CRY1: variants seen among roughly 807,000 people sequenced by gnomAD.
CRY1 encodes the protein cryptochrome circadian regulator 1.
CRY1 carries 45 observed loss-of-function variants against 76.0 expected under a neutral mutation model. The ratio of observed to expected loss-of-function variants is 0.59; its 90% CI spans 0.47 to 0.76. CRY1 has a LOEUF of 0.76. CRY1 is among the 30% of genes least tolerant of loss of function. The pLI, the probability that CRY1 is intolerant of heterozygous loss-of-function variation, is 0.00. For missense variants in CRY1, 587 were observed against 716.4 expected (o/e 0.82, Z 2.06); for synonymous variants, 248 against 244.0 (o/e 1.02, Z -0.15).
rs1422230036 is a variant in CRY1 at position 107,092,080 on chromosome 12, T to C, written c.158+724A>G. ...AGCATTTAAATCAGTGCCTGGCACA[T>C]GCTAAGTGATCAAGAGTCTATCTGT... On this transcript the variant is annotated intron_variant, in intron 1 of 12. Coordinates refer to ENST00000008527, the MANE Select transcript of CRY1 (RefSeq NM_004075.5). Among the ~76,000 whole-genome samples the C allele has an allele frequency of 2.6e-5, 4 of 152,214 alleles. No homozygotes were observed. In the East Asian group the frequency reaches 7.7e-4, roughly 29 times the overall value.
intron 10 of CRY1, among the ~76,000 whole-genome samples, chr12:106,993,645 C>T (rs1223225587): frequency 6.6e-6 from 1 of 151,980 alleles, no homozygotes; most frequent in Non-Finnish European, 1.5e-5. Context: ...CTGGACCTAT[C>T]CACGAGCAGG....
At chr12:107,036,126 AG>A (rs999537727) in intron 1 of CRY1, among the ~76,000 whole-genome samples, 2 of 152,204 alleles carry the variant, frequency 1.3e-5, no homozygotes, top group African/African-American at 2.4e-5. Flanking sequence ...GGAAACATAC[AG>A]GGCTTTACAT....
intron 1 of CRY1, among the ~76,000 whole-genome samples, chr12:107,034,067 C>T (rs1952706523): frequency 6.6e-6 from 1 of 151,250 alleles, no homozygotes; most frequent in Non-Finnish European, 1.5e-5. Flanking sequence ...GACAGGAGGT[C>T]GGCAGGACTG....
At chr12:106,998,781 G>A (rs1015212205) in intron 7 of CRY1, among the ~76,000 whole-genome samples, 5 of 151,856 alleles carry the variant, frequency 3.3e-5, no homozygotes, top group Non-Finnish European at 1.5e-5. Flanking sequence ...GGTGGCTCAT[G>A]CGTGTAATCC....
chr12:107,009,410 G>A (rs1252358745), intron 2 of CRY1, among the ~76,000 whole-genome samples: 12 of 151,562 alleles, frequency 7.9e-5, no homozygotes, highest in African/African-American at 2.2e-4. Flanking sequence ...GTGGTGGTGG[G>A]TGCCTGTAAT....
In CRY1 at chr12:106,997,510, C is replaced by T. The variant is rs767643450; in HGVS notation, c.1470G>A (p.Gln490=). The change falls in exon 9 of 13, where the codon CAG becomes CAA. Residue 490 remains glutamine, a synonymous_variant. Transcript: ENST00000008527. ...TACCTAGTCCTCTATATCGTGAAAG[C>T]TGCTGATAGATCTGTTTCATCCTTT... ...NIERMKQIYQ[Q]LSRYRGLGLL... is the part of the protein sequence containing the mutation. 2 of 1,614,004 alleles carry T rather than the reference C, an allele frequency of 1.2e-6. No individual in the cohort carries two copies. Among genetic ancestry groups the T allele is most frequent in the African/African-American group, 1.3e-5 (1 of 75,060 alleles).
chr12:106,998,061 A>C lies in CRY1; in HGVS notation c.1143T>G (p.Phe381Leu). The C allele has an allele frequency of 6.2e-7, 1 of 1,613,968 alleles. No individual in the cohort carries two copies. Among genetic ancestry groups the C allele is most frequent in the Non-Finnish European group, 8.5e-7 (1 of 1,179,948 alleles). The change falls in exon 8 of 13, where the codon TTT becomes TTG. Residue 381 changes from phenylalanine to leucine, a missense_variant. Phe to Leu is a conservative substitution (Grantham distance 22). Coordinates refer to ENST00000008527, the MANE Select transcript of CRY1 (RefSeq NM_004075.5). ...WISWEEGMKV[F>L]EELLLDADWS... Reference sequence around the variant, plus strand: ...AATCTGCATCAAGCAATAATTCTTCAAATACCTTCAGAAGTAACAGTAACC... The same window carrying C: ...AATCTGCATCAAGCAATAATTCTTCCAATACCTTCAGAAGTAACAGTAACC...
chr12:107,010,242 T>A (rs1004604878), intron 2 of CRY1, among the ~76,000 whole-genome samples: 4 of 152,324 alleles, frequency 2.6e-5, no homozygotes, highest in Non-Finnish European at 5.9e-5. Flanking sequence ...TTATTCCTGA[T>A]ATAGGTAACT....
At chr12:107,054,753 T>C (rs1952964230) in intron 1 of CRY1, among the ~76,000 whole-genome samples, 1 of 151,814 alleles carries the variant, frequency 6.6e-6, no homozygotes, top group African/African-American at 2.4e-5. Flanking sequence ...AGAAATATAC[T>C]ATAAAGTCAC....
At chr12:107,084,689 T>C (rs1031533649) in intron 1 of CRY1, among the ~76,000 whole-genome samples, 2 of 152,168 alleles carry the variant, frequency 1.3e-5, no homozygotes, top group Non-Finnish European at 2.9e-5. Flanking sequence ...AATTAAAGAC[T>C]TACATGTAAA....
At chr12:107,005,571 A>G (rs1952364061) in intron 2 of CRY1, among the ~76,000 whole-genome samples, 1 of 152,196 alleles carries the variant, frequency 6.6e-6, no homozygotes, top group Non-Finnish European at 1.5e-5. Flanking sequence ...GAGCCTCAAA[A>G]CAACACTCAG....
In CRY1 at chr12:106,999,691, C is replaced by T. The variant is rs1054826535; in HGVS notation, c.997G>A (p.Gly333Ser). The T allele has an allele frequency of 1.2e-6, 2 of 1,614,252 alleles. No homozygotes were observed. Among genetic ancestry groups the T allele is most frequent in the African/African-American group, 1.3e-5 (1 of 75,070 alleles). The change falls in exon 7 of 13, where the codon GGC becomes AGC. Residue 333 changes from glycine (G) to serine (S), a missense_variant. Transcript: ENST00000008527. ...TCAATCCATGGAAAGCCTGTCCGGC[C>T]TTCCGCCCATTTGGCTAAAGCCTCA... ...NPEALAKWAE[G>S]RTGFPWIDAI...
At chr12:107,085,001 G>A (rs1335722457) in intron 1 of CRY1, among the ~76,000 whole-genome samples, 2 of 150,970 alleles carry the variant, frequency 1.3e-5, no homozygotes, top group Non-Finnish European at 1.5e-5. Context: ...TCAAAAAGTG[G>A]GTGAAGGATA....
intron 1 of CRY1, among the ~76,000 whole-genome samples, chr12:107,039,393 T>A (rs1391153190): frequency 6.6e-6 from 1 of 152,114 alleles, no homozygotes; most frequent in South Asian, 2.1e-4. Flanking sequence ...AGCTCACCTA[T>A]AGAATGGAAG....
At chr12:107,075,042 A>G (rs186871371) in intron 1 of CRY1, among the ~76,000 whole-genome samples, 1 of 152,182 alleles carries the variant, frequency 6.6e-6, no homozygotes, top group Non-Finnish European at 1.5e-5. Flanking sequence ...AAAACAAAAA[A>G]CAAAAACTAC....
chr12:107,045,150 GA>G (rs1328644071), intron 1 of CRY1, among the ~76,000 whole-genome samples: 3 of 151,914 alleles, frequency 2.0e-5, no homozygotes, highest in African/African-American at 7.3e-5. Flanking sequence ...CATATAAAAG[GA>G]AATCTCCATT....
intron 1 of CRY1, among the ~76,000 whole-genome samples, chr12:107,052,663 G>A (rs915363119): frequency 3.9e-5 from 6 of 152,188 alleles, no homozygotes; most frequent in Admixed American, 6.5e-5. Context: ...GCAGAAACCT[G>A]AAGGAAAGTT....
rs1331229140 is a variant in CRY1, at chr12:107,068,028, T to C, written c.158+24776A>G. ...CTTCCTGTTATATTTGCTAACTGGT[T>C]GCTTATATGTAGCAAGGGGCCAGCC... On this transcript the variant is annotated intron_variant, in intron 1 of 12. Transcript: ENST00000008527. Among the ~76,000 whole-genome samples the C allele has an allele frequency of 3.3e-5, 5 of 152,340 alleles. No individual in the cohort carries two copies. The East Asian group carries it at 9.6e-4, about 29-fold the overall frequency.
At chr12:107,070,851 C>A (rs1299428382) in intron 1 of CRY1, among the ~76,000 whole-genome samples, 1 of 146,494 alleles carries the variant, frequency 6.8e-6, no homozygotes, top group Admixed American at 7.0e-5. Flanking sequence ...CAGGCACCTG[C>A]CACCATGCCT....
Sources: gnomAD v4.1 joint callset for allele counts (sites outside exome capture counted in the v4.1 genomes callset) on GRCh38, gnomAD v4.1.1 for gene constraint, MANE v1.5 for transcripts, NCBI Gene and HGNC (gene_info 2026-07-23, HGNC 2026-07-21) for gene names.